ZNF846: variants seen among roughly 807,000 people sequenced by gnomAD.
The protein encoded by ZNF846 is zinc finger protein 846, also known as zinc finger protein 420 pseudogene.
In ZNF846, 15 loss-of-function variants were observed where a neutral mutation model predicts 16.0. That is an observed-to-expected ratio of 0.94 (90% CI 0.63 to 1.45). The LOEUF (loss-of-function observed/expected upper bound fraction) is 1.45. Among genes scored for constraint, ZNF846 ranks in the 40% most tolerant of loss-of-function variants. The pLI, the probability that ZNF846 is intolerant of heterozygous loss-of-function variation, is 0.00. For synonymous variants in ZNF846, 229 were observed against 212.0 expected (o/e 1.08, Z -0.70); for missense variants, 714 against 622.3 (o/e 1.15, Z -1.57).
intron 1 of ZNF846, among the ~76,000 whole-genome samples, chr19:9,767,849 G>A (rs536053573): frequency 5.1e-4 from 77 of 152,146 alleles, no homozygotes; most frequent in Non-Finnish European, 6.8e-4. Context: ...CAGGAGAATC[G>A]CTTGGACCGG....
upstream of ZNF846, among the ~76,000 whole-genome samples, chr19:9,772,690 G>C (rs528556575): frequency 5.3e-5 from 8 of 151,910 alleles, no homozygotes; most frequent in Non-Finnish European, 1.0e-4. Context: ...TTAGCTATTA[G>C]CAAATAAAAT....
intron 1 of ZNF846, chr19:9,774,443 G>A: frequency 1.4e-6 from 1 of 706,886 alleles, no homozygotes; most frequent in East Asian, 2.8e-5. Flanking sequence ...ACTCCAGCCT[G>A]GGCAACAGAG....
At chr19:9,751,412 A>T (rs1331806411), downstream of ZNF846, among the ~76,000 whole-genome samples, 1 of 152,304 alleles carries the variant, frequency 6.6e-6, no homozygotes, top group Non-Finnish European at 1.5e-5. Context: ...TAACATAAAA[A>T]AACAGGAATG....
At position 9,763,414 on chromosome 19, in the gene ZNF846, C is replaced by T. The variant is rs377467580; in HGVS notation, c.16-6G>A. On this transcript the variant is annotated splice_region_variant and splice_polypyrimidine_tract_variant and intron_variant, in intron 2 of 5. Coordinates refer to ENST00000397902, the Ensembl canonical transcript of ZNF846. ...TCCTCAAAGGTCACTAAGTGCTAAA[C>T]CATTAAATACATGCCAGCTTCAGCT... 23 of 1,590,314 alleles carry T rather than the reference C, an allele frequency of 1.4e-5. No homozygotes were observed. The highest frequency in any genetic ancestry group is 2.7e-5 in the African/African-American group (2 of 73,720).
downstream of ZNF846, among the ~76,000 whole-genome samples, chr19:9,753,919 G>T (rs1046294697): frequency 6.6e-6 from 1 of 151,588 alleles, no homozygotes; most frequent in Non-Finnish European, 1.5e-5. Flanking sequence ...TATAGTACTT[G>T]TCCTGTTTCC....
chr19:9,749,377 C>A (rs188770047), downstream of ZNF846, among the ~76,000 whole-genome samples: 1 of 152,154 alleles, frequency 6.6e-6, no homozygotes, highest in East Asian at 1.9e-4. Context: ...CTCGTAAATG[C>A]CCTGCCCTTG....
downstream of ZNF846, among the ~76,000 whole-genome samples, chr19:9,748,836 G>A (rs764029527): frequency 5.9e-5 from 9 of 152,072 alleles, no homozygotes; most frequent in Non-Finnish European, 1.0e-4. Flanking sequence ...CCTTGTGCCA[G>A]ACACCAGCCC....
downstream of ZNF846, among the ~76,000 whole-genome samples, chr19:9,755,794 C>T (rs1158671054): frequency 1.5e-5 from 1 of 65,990 alleles, no homozygotes; most frequent in South Asian, 6.5e-4. Flanking sequence ...AGCGAGACTC[C>T]GTCTCAAAAA....
intron 1 of ZNF846, among the ~76,000 whole-genome samples, chr19:9,779,860 A>T (rs936771864): frequency 6.7e-6 from 1 of 149,406 alleles, no homozygotes; most frequent in African/African-American, 2.5e-5. Context: ...AGCATGAGTC[A>T]CCACGCCCGG....
At chr19:9,758,801 C>T (rs976797971) in intron 5 of ZNF846, 37 bp from the exon 6 acceptor site, 5 of 1,466,560 alleles carry the variant, frequency 3.4e-6, no homozygotes, top group Admixed American at 2.3e-5. Flanking sequence ...GAATTTCTCA[C>T]ATTCAGTATG....
intron 4 of ZNF846, among the ~76,000 whole-genome samples, chr19:9,760,920 A>G (rs1215149807): frequency 6.6e-6 from 1 of 151,348 alleles, no homozygotes; most frequent in Non-Finnish European, 1.5e-5. Flanking sequence ...AAACTAGACC[A>G]AGCACACTGG....
rs966529360 is a variant in ZNF846 at position 9,758,586 on chromosome 19, T to G, written c.491A>C (p.His164Pro). Residue 164 changes from histidine to proline, a missense_variant, in exon 6 of 6, where the codon CAT (histidine) becomes CCT (proline). By Grantham distance (77) the His-to-Pro change is moderately conservative. Transcript: ENST00000397902. ...ACACTTAGGCATTTTCCCCTCAGCA[T>G]GACTTTTCTTGTAAAAACTATGAGG... The G allele has an allele frequency of 3.7e-6, 6 of 1,612,884 alleles. No homozygotes were observed. The Admixed American group carries it at 8.3e-5, about 22-fold the overall frequency.
chr19:9,759,054 A>AGTG (rs1247056250), intron 5 of ZNF846, among the ~76,000 whole-genome samples: 2 of 151,770 alleles, frequency 1.3e-5, no homozygotes, highest in Non-Finnish European at 2.9e-5. Context: ...GCTGAAGTGC[A>AGTG]GTGGCACGAT....
At chr19:9,780,045 TTTG>T (rs1482523108) in intron 1 of ZNF846, among the ~76,000 whole-genome samples, 1 of 137,552 alleles carries the variant, frequency 7.3e-6, no homozygotes, top group Non-Finnish European at 1.5e-5. Flanking sequence ...CCCAGCTAAT[TTTG>T]TTTTTTTTTT....
At chr19:9,762,131 T>C in exon 4 of ZNF846, 1 of 1,614,052 alleles carries the variant, frequency 6.2e-7, no homozygotes, top group Non-Finnish European at 8.5e-7. Flanking sequence ...TTTGTTCCAA[T>C]CCAGACATGA....
At chr19:9,767,461 A>G (rs1435814447) in intron 1 of ZNF846, among the ~76,000 whole-genome samples, 1 of 152,126 alleles carries the variant, frequency 6.6e-6, no homozygotes, top group Non-Finnish European at 1.5e-5. Flanking sequence ...TACACAAGAG[A>G]TGCAAAGAAA....
chr19:9,783,740 G>A (rs939065372), intron 1 of ZNF846, among the ~76,000 whole-genome samples: 1 of 150,606 alleles, frequency 6.6e-6, no homozygotes, highest in Non-Finnish European at 1.5e-5. Flanking sequence ...CCTGGATGGA[G>A]TACAGTGGCA....
At chr19:9,763,999 C>T (rs1232028845) in intron 2 of ZNF846, among the ~76,000 whole-genome samples, 5 of 152,160 alleles carry the variant, frequency 3.3e-5, no homozygotes, top group Admixed American at 6.5e-5. Context: ...GAGCCAACAG[C>T]GTGTGATGTG....
chr19:9,754,893 A>G (rs181557982), downstream of ZNF846, among the ~76,000 whole-genome samples: 4 of 150,022 alleles, frequency 2.7e-5, no homozygotes, highest in East Asian at 3.9e-4. Context: ...GAGATGGAGT[A>G]TCACTCTTGT....
Sources: gnomAD v4.1 joint callset for allele counts (sites outside exome capture counted in the v4.1 genomes callset) on GRCh38, gnomAD v4.1.1 for gene constraint, MANE v1.5 for transcripts, NCBI Gene and HGNC (gene_info 2026-07-23, HGNC 2026-07-21) for gene names.